Variants in GRID2 observed in about 807,000 individuals in gnomAD.
The protein encoded by GRID2 is glutamate receptor ionotropic, delta-2.
Under a neutral mutation model 114.8 loss-of-function variants are expected in GRID2, and 33 were observed. The observed-to-expected ratio is 0.29, with a 90% CI of 0.22 to 0.38. GRID2 has a LOEUF of 0.38. Among genes scored for constraint, GRID2 ranks in the 10% least tolerant of loss-of-function variants. The probability of loss-of-function intolerance (pLI) is 1.00; values close to 1 mark genes in which losing one functional copy is unlikely to be tolerated. For synonymous variants in GRID2, 505 were observed against 449.9 expected (o/e 1.12, Z -1.55); for missense variants, 1,184 against 1,257.7 (o/e 0.94, Z 0.89).
At chr4:93,666,832 T>G (rs1276561165) in intron 14 of GRID2, among the ~76,000 whole-genome samples, 1 of 152,062 alleles carries the variant, frequency 6.6e-6, no homozygotes, top group Non-Finnish European at 1.5e-5. Context: ...AAGACACAAC[T>G]ACTTTAGAAA....
intron 14 of GRID2, among the ~76,000 whole-genome samples, chr4:93,674,083 C>T (rs1477982272): frequency 6.6e-6 from 1 of 152,118 alleles, no homozygotes; most frequent in East Asian, 1.9e-4. Flanking sequence ...GAAGCTTTGG[C>T]TCTATCTTTC....
chr4:92,957,785 A>G (rs1664358285), intron 2 of GRID2, among the ~76,000 whole-genome samples: 1 of 152,104 alleles, frequency 6.6e-6, no homozygotes, highest in Non-Finnish European at 1.5e-5. Flanking sequence ...TTGTCCATAA[A>G]CATAAAATAT....
At chr4:92,684,668 A>C (rs1733814240) in intron 2 of GRID2, among the ~76,000 whole-genome samples, 1 of 152,064 alleles carries the variant, frequency 6.6e-6, no homozygotes, top group African/African-American at 2.4e-5. Context: ...TTTAACTACT[A>C]ATGTCTGTGA....
intron 4 of GRID2, among the ~76,000 whole-genome samples, chr4:93,203,111 G>A (rs1338787785): frequency 6.6e-6 from 1 of 151,942 alleles, no homozygotes; most frequent in Non-Finnish European, 1.5e-5. Context: ...TACCATTACT[G>A]ATATCAGTTA....
At chr4:93,348,405 A>G (rs1357674273) in intron 8 of GRID2, among the ~76,000 whole-genome samples, 8 of 152,202 alleles carry the variant, frequency 5.3e-5, no homozygotes, top group East Asian at 3.9e-4. Context: ...TCAAATTTGT[A>G]TGTCATAATT....
At chr4:93,502,345 G>A (rs1409804074) in intron 12 of GRID2, among the ~76,000 whole-genome samples, 1 of 151,856 alleles carries the variant, frequency 6.6e-6, no homozygotes. Flanking sequence ...TATTTTCCAT[G>A]TCCCTTCAGG....
Position 93,467,575 on chromosome 4 carries a change from A to G in GRID2, c.1858+11601A>G, listed in dbSNP as rs1006404516. 3.2e-4 allele frequency among the ~76,000 whole-genome samples: 49 copies of G among 152,216 alleles called. 1 individual carries two copies. Among genetic ancestry groups the G allele is most frequent in the African/African-American group, 9.9e-4 (41 of 41,462 alleles). On this transcript the variant is annotated intron_variant, in intron 11 of 15. Transcript: ENST00000282020. ...TTCTAAATATAAAAGTCATTTTGCT[A>G]TATCAGCAGGGACTGTCTACAAGTA...
chr4:92,810,209 T>G (rs1258413069), intron 2 of GRID2, among the ~76,000 whole-genome samples: 1 of 152,062 alleles, frequency 6.6e-6, no homozygotes, highest in Non-Finnish European at 1.5e-5. Context: ...CAGTTACAGT[T>G]TCTAATTTGA....
At chr4:93,169,488 G>A (rs1260319060) in intron 4 of GRID2, among the ~76,000 whole-genome samples, 1 of 152,052 alleles carries the variant, frequency 6.6e-6, no homozygotes, top group Non-Finnish European at 1.5e-5. Flanking sequence ...ATATTTGATT[G>A]CTTGATATTT....
At chr4:93,731,982 T>C (rs1730521725) in intron 14 of GRID2, among the ~76,000 whole-genome samples, 1 of 152,144 alleles carries the variant, frequency 6.6e-6, no homozygotes, top group Non-Finnish European at 1.5e-5. Context: ...CAACCAGAAA[T>C]AAATTTACAT....
At chr4:92,576,073 C>A (rs1031111053) in intron 1 of GRID2, among the ~76,000 whole-genome samples, 2 of 152,202 alleles carry the variant, frequency 1.3e-5, no homozygotes, top group Admixed American at 6.5e-5. Context: ...TCTAAACAAC[C>A]AAGGTGGCAA....
chr4:92,812,301 A>G lies in GRID2; in HGVS notation c.244+222015A>G, dbSNP rs538032533. ...GATTTAATATTGTAATATAGATTAT[A>G]AAAACATTCTTAAGTGGTGAAAATG... On this transcript the variant is annotated intron_variant, in intron 2 of 15. Coordinates refer to ENST00000282020, the MANE Select transcript of GRID2 (RefSeq NM_001510.4). 7.2e-3 allele frequency among the ~76,000 whole-genome samples: 1,094 copies of G among 152,212 alleles called. 6 individuals are homozygous for G. Among genetic ancestry groups the G allele is most frequent in the Middle Eastern group, 0.031 (9 of 294 alleles).
chr4:93,546,332 C>A (rs1382123955), intron 13 of GRID2, among the ~76,000 whole-genome samples: 1 of 152,074 alleles, frequency 6.6e-6, no homozygotes, highest in Non-Finnish European at 1.5e-5. Flanking sequence ...TGGGAATTAT[C>A]AGAATACAGA....
intron 8 of GRID2, among the ~76,000 whole-genome samples, chr4:93,315,619 T>G (rs1347901964): frequency 6.6e-6 from 1 of 152,166 alleles, no homozygotes; most frequent in African/African-American, 2.4e-5. Flanking sequence ...AATCTTTGTC[T>G]TCTTTGTTCA....
At chr4:93,583,190 T>A (rs1236480404) in intron 13 of GRID2, among the ~76,000 whole-genome samples, 1 of 152,198 alleles carries the variant, frequency 6.6e-6, no homozygotes, top group Non-Finnish European at 1.5e-5. Context: ...TCCTTAGTTA[T>A]GTCTTCAAAA....
chr4:92,849,792 A>T (rs1375533551), intron 2 of GRID2, among the ~76,000 whole-genome samples: 1 of 151,884 alleles, frequency 6.6e-6, no homozygotes, highest in Non-Finnish European at 1.5e-5. Flanking sequence ...TTTCAATGGC[A>T]TAAAGAACCA....
chr4:93,254,817 A>G (rs994638555), intron 8 of GRID2, among the ~76,000 whole-genome samples: 5 of 152,090 alleles, frequency 3.3e-5, no homozygotes, highest in African/African-American at 9.6e-5. Flanking sequence ...TCCAAGGCAA[A>G]TTGGAAATTG....
intron 1 of GRID2, among the ~76,000 whole-genome samples, chr4:92,469,911 C>T (rs569351648): frequency 5.3e-5 from 8 of 151,780 alleles, no homozygotes; most frequent in African/African-American, 1.9e-4. Flanking sequence ...AGTAAAGCTG[C>T]AAATTAGTTT....
At chr4:92,315,606 T>C (rs1274038858) in intron 1 of GRID2, among the ~76,000 whole-genome samples, 6 of 152,154 alleles carry the variant, frequency 3.9e-5, no homozygotes, top group African/African-American at 1.4e-4. Flanking sequence ...TAAAATGTCA[T>C]GTCATTGATT....
Sources: gnomAD v4.1 joint callset for allele counts (sites outside exome capture counted in the v4.1 genomes callset) on GRCh38, gnomAD v4.1.1 for gene constraint, MANE v1.5 for transcripts, NCBI Gene and HGNC (gene_info 2026-07-23, HGNC 2026-07-21) for gene names.